The following CYP7B1 variants were observed in gnomAD, a reference collection of about 807,000 sequenced individuals.
CYP7B1 encodes cytochrome P450 7B1.
A neutral mutation model predicts 42.7 loss-of-function variants in CYP7B1; 29 were observed. The ratio of observed to expected loss-of-function variants is 0.68; its 90% CI spans 0.51 to 0.93. CYP7B1 has a LOEUF of 0.93. Ranked by LOEUF, CYP7B1 falls within the 40% of genes least tolerant of loss-of-function variation. The pLI is 0.00. For missense variants in CYP7B1, 655 were observed against 600.5 expected, an observed-to-expected ratio of 1.09 and a Z score of -0.95; for synonymous variants, 235 against 218.2, an observed-to-expected ratio of 1.08 and a Z score of -0.68.
chr8:64,744,519 C>T (rs7843690), intron 1 of CYP7B1, among the ~76,000 whole-genome samples: 1 of 152,040 alleles, frequency 6.6e-6, no homozygotes, highest in Admixed American at 6.6e-5. Context: ...AAGTGCAGCT[C>T]AGAAATAATT....
intron 1 of CYP7B1, among the ~76,000 whole-genome samples, chr8:64,673,051 A>G (rs1806390104): frequency 6.6e-6 from 1 of 152,122 alleles, no homozygotes; most frequent in South Asian, 2.1e-4. Context: ...ACACAGACAT[A>G]CACACACACC....
intron 1 of CYP7B1, among the ~76,000 whole-genome samples, chr8:64,783,872 G>A (rs1804474823): frequency 6.6e-6 from 1 of 152,124 alleles, no homozygotes; most frequent in Non-Finnish European, 1.5e-5. Context: ...CCAATTTTAG[G>A]AAGTCTCATT....
chr8:64,778,976 AC>A (rs1266513809), intron 1 of CYP7B1, among the ~76,000 whole-genome samples: 4 of 152,122 alleles, frequency 2.6e-5, no homozygotes, highest in African/African-American at 9.7e-5. Flanking sequence ...CAAGAAGGAG[AC>A]AGCAGACCAT....
intron 1 of CYP7B1, among the ~76,000 whole-genome samples, chr8:64,759,341 C>T (rs1807853151): frequency 6.6e-6 from 1 of 152,180 alleles, no homozygotes; most frequent in Non-Finnish European, 1.5e-5. Flanking sequence ...GTCCCTGAAA[C>T]AATTCTGTCA....
At chr8:64,768,506 A>G (rs957289551) in intron 1 of CYP7B1, among the ~76,000 whole-genome samples, 1 of 152,182 alleles carries the variant, frequency 6.6e-6, no homozygotes, top group Non-Finnish European at 1.5e-5. Flanking sequence ...CTGCTTTTTA[A>G]AGTCACATTT....
intron 1 of CYP7B1, among the ~76,000 whole-genome samples, chr8:64,639,162 A>G (rs563735091): frequency 4.5e-4 from 69 of 152,186 alleles, no homozygotes; most frequent in African/African-American, 1.7e-3. Context: ...AGATTTGTAA[A>G]AAAAAAAATT....
rs532728374 is a variant in CYP7B1 at position 64,595,090 on chromosome 8, C to T, written c.*1552G>A. 2.0e-4 allele frequency among the ~76,000 whole-genome samples: 30 copies of T among 152,276 alleles called. No homozygotes were observed. The highest frequency in any genetic ancestry group is 6.0e-4 in the African/African-American group (25 of 41,560). ...ATAACAACAATGGATACCTTAAGAA[C>T]GGGCAATATCTTCAAAGTGCTGTGA... On this transcript the variant is annotated 3_prime_UTR_variant, in exon 6 of 6. Coordinates refer to ENST00000310193, the MANE Select transcript of CYP7B1 (RefSeq NM_004820.5).
intron 4 of CYP7B1, among the ~76,000 whole-genome samples, chr8:64,611,195 TCAGA>T (rs1805358143): frequency 6.6e-6 from 1 of 152,172 alleles, no homozygotes; most frequent in Non-Finnish European, 1.5e-5. Context: ...GGCTCTGGTA[TCAGA>T]CAGGCCTGAG....
chr8:64,632,860 G>T (rs1364593849), intron 1 of CYP7B1, among the ~76,000 whole-genome samples: 1 of 151,590 alleles, frequency 6.6e-6, no homozygotes, highest in African/African-American at 2.4e-5. Flanking sequence ...GATAGAAAAT[G>T]AAATTTAAAA....
intron 1 of CYP7B1, among the ~76,000 whole-genome samples, chr8:64,657,646 G>A (rs1040681200): frequency 6.6e-6 from 1 of 152,160 alleles, no homozygotes; most frequent in East Asian, 1.9e-4. Flanking sequence ...ACTACACTAT[G>A]TTTTAAAAAT....
intron 1 of CYP7B1, among the ~76,000 whole-genome samples, chr8:64,693,363 C>T (rs571715912): frequency 6.6e-6 from 1 of 152,110 alleles, no homozygotes; most frequent in Non-Finnish European, 1.5e-5. Flanking sequence ...AGGCATGTGT[C>T]TTTGTGTGTG....
intron 1 of CYP7B1, among the ~76,000 whole-genome samples, chr8:64,778,444 T>G (rs1447060500): frequency 6.6e-6 from 1 of 151,874 alleles, no homozygotes; most frequent in Non-Finnish European, 1.5e-5. Context: ...ACAAGAGACA[T>G]ATCAGGAACC....
rs140335229 is a variant in CYP7B1, at chr8:64,723,059, G to A, written c.122+75407C>T. ...AATAAACTATACAATCATTAGCCCT[G>A]AATCAGTAGTCTTTAAAGTAAATTT... On this transcript the variant is annotated intron_variant, in intron 1 of 5. Coordinates refer to ENST00000310193, the MANE Select transcript of CYP7B1 (RefSeq NM_004820.5). Among the ~76,000 whole-genome samples the A allele has an allele frequency of 4.2e-4, 64 of 152,190 alleles. No homozygotes were observed. In the East Asian group the frequency reaches 9.1e-3, roughly 22 times the overall value.
chr8:64,596,201 A>G lies in CYP7B1; in HGVS notation c.*441T>C. On this transcript the variant is annotated 3_prime_UTR_variant, in exon 6 of 6. Coordinates refer to ENST00000310193, the MANE Select transcript of CYP7B1 (RefSeq NM_004820.5). ...ATCCAGTGTAACTCATGGAAATTCA[A>G]TTTCCTTCTTCTGTGAGAATTTGGA... is the stretch of plus-strand genomic sequence containing the variant. 1 of 168,052 alleles carries G rather than the reference A, an allele frequency of 6.0e-6. No homozygotes were observed. The highest frequency in any genetic ancestry group is 1.3e-5 in the Non-Finnish European group (1 of 74,208). 10.4% of individuals were successfully genotyped at this position (168,052 alleles called of 1,614,324 possible).
rs1554584165 is a variant in CYP7B1 at position 64,615,012 on chromosome 8, T to C, written c.1057+14A>G. 1.9e-6 allele frequency: 3 copies of C among 1,612,868 alleles called. No individual in the cohort carries two copies. The highest frequency in any genetic ancestry group is 2.5e-6 in the Non-Finnish European group (3 of 1,179,144). On this transcript the variant is annotated intron_variant, in intron 4 of 5. Transcript: ENST00000310193. ...GGTACCTTCTTTTCTTCATAACAGA[T>C]AAAAATAAATTACCTAGGCAGATTA...
At chr8:64,783,649 T>C (rs765742949) in intron 1 of CYP7B1, among the ~76,000 whole-genome samples, 3 of 151,974 alleles carry the variant, frequency 2.0e-5, no homozygotes, top group Non-Finnish European at 2.9e-5. Flanking sequence ...TCAAATAAGA[T>C]AACCCATGAT....
Position 64,594,893 on chromosome 8 carries a change from C to T in CYP7B1, c.*1749G>A, listed in dbSNP as rs981000476. Among the ~76,000 whole-genome samples the T allele has an allele frequency of 6.6e-6, 1 of 152,094 alleles. No individual in the cohort carries two copies. The highest frequency in any genetic ancestry group is 2.4e-5 in the African/African-American group (1 of 41,426). ...ACAGAGAGAATGGCTGAGAAGATTC[C>T]ATACTTGATGGGAGACACCTGTGCT... On this transcript the variant is annotated 3_prime_UTR_variant, in exon 6 of 6. Coordinates refer to ENST00000310193, the MANE Select transcript of CYP7B1 (RefSeq NM_004820.5).
At chr8:64,674,165 G>A (rs555277343) in intron 1 of CYP7B1, among the ~76,000 whole-genome samples, 14 of 151,910 alleles carry the variant, frequency 9.2e-5, no homozygotes, top group Non-Finnish European at 1.9e-4. Context: ...AGGAAGAATC[G>A]GCACAAAGAA....
At chr8:64,628,612 C>T (rs1412373415) in intron 1 of CYP7B1, among the ~76,000 whole-genome samples, 1 of 151,944 alleles carries the variant, frequency 6.6e-6, no homozygotes, top group Non-Finnish European at 1.5e-5. Context: ...CGCACCACTG[C>T]ATTCTAGTCT....
Sources: gnomAD v4.1 joint callset for allele counts (sites outside exome capture counted in the v4.1 genomes callset) on GRCh38, gnomAD v4.1.1 for gene constraint, MANE v1.5 for transcripts, NCBI Gene and HGNC (gene_info 2026-07-23, HGNC 2026-07-21) for gene names.